MYO5B: variants seen among roughly 807,000 people sequenced by gnomAD.
MYO5B encodes myosin VB.
Under a neutral mutation model 229.3 loss-of-function variants are expected in MYO5B, and 143 were observed. The observed-to-expected ratio is 0.62, with a 90% CI of 0.54 to 0.72. The LOEUF is 0.72. Among genes scored for constraint, MYO5B ranks in the 30% least tolerant of loss-of-function variants. MYO5B has a pLI of 0.00. For missense variants in MYO5B, 2,321 were observed against 2,331.0 expected, an observed-to-expected ratio of 1.00 and a Z score of 0.09; for synonymous variants, 918 against 885.2, an observed-to-expected ratio of 1.04 and a Z score of -0.66.
chr18:49,858,753 C>T (rs1443492487), intron 29 of MYO5B, among the ~76,000 whole-genome samples: 1 of 152,224 alleles, frequency 6.6e-6, no homozygotes, highest in African/African-American at 2.4e-5. Context: ...AAGTAGAGAA[C>T]TGTGCAGCCC....
chr18:50,007,411 G>A (rs2026113677), intron 4 of MYO5B, among the ~76,000 whole-genome samples: 1 of 152,136 alleles, frequency 6.6e-6, no homozygotes, highest in Admixed American at 6.5e-5. Context: ...TACAATAGCA[G>A]CTTTCCAGCC....
At chr18:49,909,127 A>C (rs1043230247) in intron 18 of MYO5B, among the ~76,000 whole-genome samples, 1 of 152,228 alleles carries the variant, frequency 6.6e-6, no homozygotes, top group African/African-American at 2.4e-5. Context: ...GGGAACTGGC[A>C]TGTGCCCCTC....
At chr18:50,177,444 G>A (rs187980719) in intron 1 of MYO5B, among the ~76,000 whole-genome samples, 1 of 152,126 alleles carries the variant, frequency 6.6e-6, no homozygotes, top group Non-Finnish European at 1.5e-5. Context: ...TCCTCAAACA[G>A]CATTGTAATT....
chr18:49,948,323 T>G (rs1263794456), intron 14 of MYO5B, among the ~76,000 whole-genome samples: 1 of 152,216 alleles, frequency 6.6e-6, no homozygotes, highest in African/African-American at 2.4e-5. Flanking sequence ...TGGTACCCTT[T>G]GGAGGGAAAA....
At chr18:50,069,472 G>A (rs193268505) in intron 1 of MYO5B, among the ~76,000 whole-genome samples, 5 of 152,122 alleles carry the variant, frequency 3.3e-5, no homozygotes, top group Admixed American at 6.5e-5. Context: ...CAGCCTCACC[G>A]TCCATTAGTC....
Position 49,823,866 on chromosome 18 carries a change from A to C in MYO5B, c.*2605T>G, listed in dbSNP as rs2023805363. 6.6e-6 allele frequency: 1 copy of C among 152,652 alleles called. No individual in the cohort carries two copies. Among genetic ancestry groups the C allele is most frequent in the Admixed American group, 6.5e-5 (1 of 15,278 alleles). The allele number at this position is 152,652 out of a possible 1,614,324, so 9.5% of individuals were successfully genotyped here. The stretch of plus-strand genomic sequence containing the variant: ...CTTAAAACACAAGTTTTGATCTATA[A>C]ATATTTGATTCTTAATATTTAAAAT... On this transcript the variant is annotated 3_prime_UTR_variant, in exon 40 of 40. Coordinates refer to ENST00000285039, the MANE Select transcript of MYO5B (RefSeq NM_001080467.3).
At position 49,953,117 on chromosome 18, in the gene MYO5B, T is replaced by C; in HGVS notation, c.1752+143A>G. On this transcript the variant is annotated intron_variant, in intron 14 of 39. Coordinates refer to ENST00000285039, the MANE Select transcript of MYO5B (RefSeq NM_001080467.3). ...TGGTATGGCCATTCAACTGTTTTCA[T>C]ACCGAAATGACCAACAAACCCGTTG... 4.0e-6 allele frequency: 3 copies of C among 741,362 alleles called. No homozygotes were observed. The Admixed American group carries it at 5.9e-5, about 15-fold the overall frequency. 45.9% of individuals were successfully genotyped at this position (741,362 alleles called of 1,614,324 possible). A position where few individuals can be genotyped will look rare whatever the true frequency, so the allele number is the denominator to read the frequency against.
intron 31 of MYO5B, among the ~76,000 whole-genome samples, chr18:49,852,959 T>C (rs2024218777): frequency 6.6e-6 from 1 of 152,210 alleles, no homozygotes; most frequent in Non-Finnish European, 1.5e-5. Context: ...CCCTCTTCCA[T>C]TTCTCTGGCA....
intron 18 of MYO5B, 37 bp downstream of exon 18, chr18:49,912,025 G>A (rs1598877197): frequency 6.5e-7 from 1 of 1,531,694 alleles, no homozygotes. Flanking sequence ...TAGGGGACCT[G>A]GTCAGGCCTC....
intron 4 of MYO5B, among the ~76,000 whole-genome samples, chr18:50,031,459 T>A (rs1035359360): frequency 2.0e-5 from 3 of 152,214 alleles, no homozygotes; most frequent in African/African-American, 7.2e-5. Context: ...GAGAATTAGA[T>A]GCATTAATGA....
intron 7 of MYO5B, among the ~76,000 whole-genome samples, chr18:49,986,194 T>C (rs1325508169): frequency 6.6e-6 from 1 of 152,144 alleles, no homozygotes; most frequent in Non-Finnish European, 1.5e-5. Context: ...TACACCAGTT[T>C]CCTTATTATC....
intron 35 of MYO5B, 139 bp downstream of exon 35, chr18:49,841,226 C>G (rs1447537948): frequency 2.0e-5 from 16 of 804,272 alleles, no homozygotes; most frequent in African/African-American, 6.7e-5. Flanking sequence ...AGCCACGAGG[C>G]ATGATAAGGT....
chr18:49,864,963 C>G (rs889793892), intron 27 of MYO5B, among the ~76,000 whole-genome samples: 2 of 152,138 alleles, frequency 1.3e-5, no homozygotes, highest in Non-Finnish European at 2.9e-5. Flanking sequence ...TACCTACATA[C>G]AGAATTGAAT....
intron 22 of MYO5B, among the ~76,000 whole-genome samples, chr18:49,887,971 C>A (rs948023004): frequency 5.3e-5 from 8 of 152,146 alleles, no homozygotes; most frequent in Admixed American, 1.3e-4. Flanking sequence ...CAGACATGAG[C>A]CACCACACCC....
At chr18:50,126,307 A>G (rs1383845073) in intron 1 of MYO5B, among the ~76,000 whole-genome samples, 1 of 152,198 alleles carries the variant, frequency 6.6e-6, no homozygotes, top group Non-Finnish European at 1.5e-5. Context: ...CCCTGGCCAG[A>G]CCAAACACCA....
intron 1 of MYO5B, among the ~76,000 whole-genome samples, chr18:50,168,220 T>C (rs1009987859): frequency 2.5e-4 from 38 of 152,142 alleles, no homozygotes; most frequent in African/African-American, 8.9e-4. Context: ...CTCATTTGCC[T>C]CCCTCCCGTC....
intron 4 of MYO5B, among the ~76,000 whole-genome samples, chr18:50,014,278 G>GAAAA (rs374397757): frequency 0.069 from 3,812 of 55,302 alleles, 203 homozygotes; most frequent in African/African-American, 0.15. Context: ...GATGAGAAAG[G>GAAAA]AAAAAAAAAA....
At chr18:50,069,637 A>AT (rs771081232) in intron 1 of MYO5B, among the ~76,000 whole-genome samples, 2 of 152,216 alleles carry the variant, frequency 1.3e-5, no homozygotes, top group Non-Finnish European at 2.9e-5. Context: ...CAAAGGGCTT[A>AT]TGCAAATAGT....
intron 21 of MYO5B, among the ~76,000 whole-genome samples, chr18:49,896,383 CA>C (rs1302283537): frequency 6.6e-6 from 1 of 152,216 alleles, no homozygotes; most frequent in Admixed American, 6.5e-5. Context: ...GAAATCCAAT[CA>C]AGCAGATTCT....
Sources: allele counts gnomAD v4.1 joint callset (sites outside exome capture counted in the v4.1 genomes callset), GRCh38; gene constraint gnomAD v4.1.1; transcripts MANE v1.5; gene names NCBI Gene and HGNC (gene_info 2026-07-23, HGNC 2026-07-21).